DDX10: variants seen among roughly 807,000 people sequenced by gnomAD.
DDX10 encodes DEAD-box helicase 10, also known as probable ATP-dependent RNA helicase DDX10.
In DDX10, 74 loss-of-function variants were observed where a neutral mutation model predicts 104.3. The observed-to-expected ratio is 0.71, with a 90% CI of 0.59 to 0.86. The LOEUF is 0.86. Ranked by LOEUF, DDX10 falls within the 40% of genes least tolerant of loss-of-function variation. The pLI is 0.00. For synonymous variants in DDX10, 351 were observed against 353.4 expected, an observed-to-expected ratio of 0.99 and a Z score of 0.08; for missense variants, 952 against 1,040.0, an observed-to-expected ratio of 0.92 and a Z score of 1.16.
intron 13 of DDX10, among the ~76,000 whole-genome samples, chr11:108,808,279 A>G (rs977451560): frequency 7.9e-5 from 12 of 151,930 alleles, no homozygotes; most frequent in Non-Finnish European, 1.0e-4. Flanking sequence ...TTGAGAATGT[A>G]ATATGTAGAC....
chr11:108,891,370 G>A (rs1863373762), intron 16 of DDX10, among the ~76,000 whole-genome samples: 1 of 152,110 alleles, frequency 6.6e-6, no homozygotes, highest in South Asian at 2.1e-4. Context: ...GCAGGGCTGA[G>A]GTTATAACCT....
chr11:108,733,138 T>G (rs1258674991), intron 13 of DDX10, among the ~76,000 whole-genome samples: 1 of 151,946 alleles, frequency 6.6e-6, no homozygotes, highest in African/African-American at 2.4e-5. Context: ...TAGCTTTTTC[T>G]TTTTTTAGTA....
At chr11:108,745,693 T>G (rs2094331068) in intron 13 of DDX10, among the ~76,000 whole-genome samples, 1 of 152,212 alleles carries the variant, frequency 6.6e-6, no homozygotes, top group African/African-American at 2.4e-5. Flanking sequence ...AGTCTTCCTT[T>G]CTATAATTCT....
Position 108,843,756 on chromosome 11 carries a change from A to G in DDX10, c.2247+2280A>G, listed in dbSNP as rs563886797. On this transcript the variant is annotated intron_variant, in intron 15 of 17. Coordinates refer to ENST00000322536, the MANE Select transcript of DDX10 (RefSeq NM_004398.4). Reference sequence around the variant, plus strand: ...GGGCAACAGGAGTGAGACTCCATCGAAAAAAAAAAAAATTGCACATTGAGA... The same window carrying G: ...GGGCAACAGGAGTGAGACTCCATCGGAAAAAAAAAAAATTGCACATTGAGA... Among the ~76,000 whole-genome samples, 12 of 93,510 alleles carry G rather than the reference A, an allele frequency of 1.3e-4. No individual in the cohort carries two copies. In the South Asian group the frequency reaches 3.7e-3, roughly 29 times the overall value. 61.3% of individuals were successfully genotyped at this position (93,510 alleles called of 152,430 possible). A position where few individuals can be genotyped will look rare whatever the true frequency, so the allele number is the denominator to read the frequency against.
At chr11:108,682,953 C>G (rs924803783) in intron 6 of DDX10, among the ~76,000 whole-genome samples, 1 of 151,780 alleles carries the variant, frequency 6.6e-6, no homozygotes, top group East Asian at 1.9e-4. Flanking sequence ...TCTGACAGTT[C>G]TCTTGTTCCT....
intron 9 of DDX10, among the ~76,000 whole-genome samples, chr11:108,704,282 A>T (rs1308987656): frequency 6.6e-6 from 1 of 152,136 alleles, no homozygotes; most frequent in Non-Finnish European, 1.5e-5. Context: ...GGGCCTATTT[A>T]TTTCATCTTG....
At chr11:108,754,549 C>T (rs1379443125) in intron 13 of DDX10, among the ~76,000 whole-genome samples, 1 of 151,774 alleles carries the variant, frequency 6.6e-6, no homozygotes, top group East Asian at 1.9e-4. Context: ...ATAAAGTATA[C>T]ATTGGGTGCA....
intron 13 of DDX10, among the ~76,000 whole-genome samples, chr11:108,802,429 G>A (rs1252774532): frequency 6.6e-6 from 1 of 152,084 alleles, no homozygotes; most frequent in African/African-American, 2.4e-5. Context: ...TTTCTTTGAA[G>A]CAATCATTTA....
At chr11:108,687,528 G>T (rs2094246051) in intron 6 of DDX10, among the ~76,000 whole-genome samples, 1 of 152,078 alleles carries the variant, frequency 6.6e-6, no homozygotes, top group African/African-American at 2.4e-5. Context: ...CCAGGCTGGT[G>T]TAGCATCTTT....
chr11:108,675,697 T>C lies in DDX10; in HGVS notation c.349T>C (p.Ser117Pro). The change falls in exon 3 of 18, where the codon TCT becomes CCT. Residue 117 changes from serine to proline, a missense_variant. Coordinates refer to ENST00000322536, the MANE Select transcript of DDX10 (RefSeq NM_004398.4). ...KDVLGAAKTG[S>P]GKTLAFLVPV... is the part of the protein sequence containing the mutation. ...TGTACTTGGAGCGGCCAAAACTGGATCTGGCAAGACTCTGGCTTTTCTTGT... is the reference window on the plus strand; with the variant it reads ...TGTACTTGGAGCGGCCAAAACTGGACCTGGCAAGACTCTGGCTTTTCTTGT... 6.2e-7 allele frequency: 1 copy of C among 1,614,242 alleles called. No individual in the cohort carries two copies.
intron 13 of DDX10, among the ~76,000 whole-genome samples, chr11:108,796,910 C>T (rs745535967): frequency 1.3e-5 from 2 of 152,162 alleles, no homozygotes; most frequent in Non-Finnish European, 2.9e-5. Flanking sequence ...ATGCCTTTCA[C>T]GGTGTTATAA....
chr11:108,731,776 G>A (rs2094312591), intron 13 of DDX10, among the ~76,000 whole-genome samples: 1 of 152,052 alleles, frequency 6.6e-6, no homozygotes, highest in Admixed American at 6.5e-5. Context: ...ACTGGAGGCT[G>A]CTTTTTTCCT....
chr11:108,889,124 T>C (rs1159882304), intron 16 of DDX10, among the ~76,000 whole-genome samples: 5 of 152,208 alleles, frequency 3.3e-5, no homozygotes. Context: ...TTACAGTGTT[T>C]CCAGGTTATC....
chr11:108,910,415 T>C (rs1863653621), intron 16 of DDX10, among the ~76,000 whole-genome samples: 1 of 152,250 alleles, frequency 6.6e-6, no homozygotes. Flanking sequence ...TAATCTATGT[T>C]AAAGCACTTT....
At chr11:108,895,406 G>A (rs1863428101) in intron 16 of DDX10, among the ~76,000 whole-genome samples, 1 of 151,734 alleles carries the variant, frequency 6.6e-6, no homozygotes, top group Non-Finnish European at 1.5e-5. Context: ...CCTAAACTCT[G>A]AGTGTTATTT....
intron 16 of DDX10, among the ~76,000 whole-genome samples, chr11:108,905,584 C>G (rs980351732): frequency 6.6e-6 from 1 of 152,178 alleles, no homozygotes; most frequent in Non-Finnish European, 1.5e-5. Flanking sequence ...AAAATGCCCT[C>G]TTGCTGCCTC....
intron 13 of DDX10, among the ~76,000 whole-genome samples, chr11:108,820,526 C>G (rs957753512): frequency 6.6e-6 from 1 of 152,134 alleles, no homozygotes; most frequent in African/African-American, 2.4e-5. Flanking sequence ...GAATAAGTGG[C>G]CGGTCAAATG....
chr11:108,937,693 C>A (rs1864054145), intron 17 of DDX10, among the ~76,000 whole-genome samples: 1 of 152,052 alleles, frequency 6.6e-6, no homozygotes, highest in African/African-American at 2.4e-5. Context: ...TATGATATGT[C>A]CTTTAAATGG....
chr11:108,674,682 T>C (rs2094221621), intron 2 of DDX10, among the ~76,000 whole-genome samples: 1 of 152,108 alleles, frequency 6.6e-6, no homozygotes, highest in Admixed American at 6.5e-5. Context: ...GGCTAATTTT[T>C]AAAAATTTTT....
Sources: allele counts gnomAD v4.1 joint callset (sites outside exome capture counted in the v4.1 genomes callset), GRCh38; gene constraint gnomAD v4.1.1; transcripts MANE v1.5; gene names NCBI Gene and HGNC (gene_info 2026-07-23, HGNC 2026-07-21).